The following PPP2R5D variants were observed in gnomAD, a reference collection of about 807,000 sequenced individuals.
The protein encoded by PPP2R5D is protein phosphatase 2 regulatory subunit B'delta.
PPP2R5D carries 12 observed loss-of-function variants against 79.1 expected under a neutral mutation model. That is an observed-to-expected ratio of 0.15 (90% CI 0.10 to 0.25). PPP2R5D has a LOEUF of 0.25. PPP2R5D is among the 10% of genes least tolerant of loss of function. The probability of loss-of-function intolerance (pLI) is 1.00; values close to 1 mark genes in which losing one functional copy is unlikely to be tolerated. For synonymous variants in PPP2R5D, 277 were observed against 286.6 expected (o/e 0.97, Z 0.34); for missense variants, 419 against 760.2 (o/e 0.55, Z 5.28).
intron 1 of PPP2R5D, among the ~76,000 whole-genome samples, chr6:42,985,668 A>G (rs2150246873): frequency 6.6e-6 from 1 of 151,864 alleles, no homozygotes; most frequent in Middle Eastern, 3.4e-3. Context: ...ACCATCTTCA[A>G]ATTGGGAATT....
In PPP2R5D at chr6:42,989,628, C is replaced by CATT; in HGVS notation, c.46_47insTTA (p.Ala15_Lys16insIle). 1.2e-6 allele frequency: 2 copies of CATT among 1,613,902 alleles called. No individual in the cohort carries two copies. Among genetic ancestry groups the CATT allele is most frequent in the Non-Finnish European group, 1.7e-6 (2 of 1,179,820 alleles). ...CCTTTCAGGAGCCCCCCAAGGTTGCCAAATGCACAGCCAAGCCTAGCAGCT... is the reference window on the plus strand; with the variant it reads ...CCTTTCAGGAGCCCCCCAAGGTTGCCATTAAATGCACAGCCAAGCCTAGCAGCT... On this transcript the variant is annotated inframe_insertion, in exon 2 of 16. Transcript: ENST00000485511.
At chr6:43,004,425 T>C (rs1294305783) in intron 2 of PPP2R5D, among the ~76,000 whole-genome samples, 1 of 152,228 alleles carries the variant, frequency 6.6e-6, no homozygotes, top group East Asian at 1.9e-4. Context: ...TGATAACACA[T>C]ACATTGTTCA....
At position 43,008,947 on chromosome 6, in the gene PPP2R5D, A is replaced by T. The variant is rs905404396; in HGVS notation, c.1081-110A>T. On this transcript the variant is annotated intron_variant, in intron 10 of 15. Coordinates refer to ENST00000485511, the MANE Select transcript of PPP2R5D (RefSeq NM_006245.4). This position sits in a 1 kb window ranked among gnomAD's most constrained non-coding sequence, Gnocchi z 4.2. ...GCAAAGAAACGGGTAGCTGGCTGAG[A>T]TCACCCAAACTGTGCCCACCAGGGT... 2 of 1,370,694 alleles carry T rather than the reference A, an allele frequency of 1.5e-6. No individual in the cohort carries two copies. Among genetic ancestry groups the T allele is most frequent in the African/African-American group, 1.4e-5 (1 of 69,074 alleles). 84.9% of individuals were successfully genotyped at this position (1,370,694 alleles called of 1,614,324 possible). A position where few individuals can be genotyped will look rare whatever the true frequency, so the allele number is the denominator to read the frequency against.
At chr6:42,999,357 G>T (rs1772015943) in intron 2 of PPP2R5D, among the ~76,000 whole-genome samples, 1 of 152,208 alleles carries the variant, frequency 6.6e-6, no homozygotes, top group African/African-American at 2.4e-5. Flanking sequence ...TTCGCTGGCA[G>T]AAACAGCTGT....
intron 2 of PPP2R5D, among the ~76,000 whole-genome samples, chr6:43,001,885 C>CAA (rs564567354): frequency 2.6e-4 from 21 of 80,676 alleles, no homozygotes; most frequent in East Asian, 2.0e-3. Context: ...GACTCTGTCT[C>CAA]AAAAAAAAAA....
chr6:43,011,010 T>G lies in PPP2R5D; in HGVS notation c.1671+13T>G. On this transcript the variant is annotated intron_variant, in intron 15 of 15. Transcript: ENST00000485511. ...TGAGGCTGTTCAGGTGGGAGGGCAATGTAGGGGGATGGAGCAGAAATAATA... is the reference window on the plus strand; with the variant it reads ...TGAGGCTGTTCAGGTGGGAGGGCAAGGTAGGGGGATGGAGCAGAAATAATA... 1 of 1,610,836 alleles carries G rather than the reference T, an allele frequency of 6.2e-7. No homozygotes were observed. The highest frequency in any genetic ancestry group is 2.2e-5 in the East Asian group (1 of 44,850).
In PPP2R5D at chr6:43,006,801, G is replaced by A. The variant is rs1762109180; in HGVS notation, c.323-110G>A. ...GTTCCAGAGAATGCGGGAAGGGGGT[G>A]CCAGGGAGCAGGATGGTGGCAGGGT... On this transcript the variant is annotated intron_variant, in intron 3 of 15. Coordinates refer to ENST00000485511, the MANE Select transcript of PPP2R5D (RefSeq NM_006245.4). The surrounding 1 kb of genome is among the most constrained non-coding windows in gnomAD (Gnocchi z 4.7). The A allele has an allele frequency of 1.3e-6, 2 of 1,572,988 alleles. No individual in the cohort carries two copies. The highest frequency in any genetic ancestry group is 2.7e-5 in the African/African-American group (2 of 74,212).
Position 43,007,814 on chromosome 6 carries a change from G to A in PPP2R5D, c.727-121G>A. 1 of 1,287,198 alleles carries A rather than the reference G, an allele frequency of 7.8e-7. No individual in the cohort carries two copies. Among genetic ancestry groups the A allele is most frequent in the Non-Finnish European group, 1.1e-6 (1 of 910,576 alleles). 79.7% of individuals were successfully genotyped at this position (1,287,198 alleles called of 1,614,324 possible). A position where few individuals can be genotyped will look rare whatever the true frequency, so the allele number is the denominator to read the frequency against. On this transcript the variant is annotated intron_variant, in intron 6 of 15. Transcript: ENST00000485511. The surrounding 1 kb of genome is among the most constrained non-coding windows in gnomAD (Gnocchi z 4.5). Reference sequence around the variant, plus strand: ...ATATAATAGAATCACTGCTTTCTAAGACTTGCTGGCCCCCACTCCAGGGGA... The same window carrying A: ...ATATAATAGAATCACTGCTTTCTAAAACTTGCTGGCCCCCACTCCAGGGGA...
chr6:42,985,966 G>A (rs1286267464), intron 1 of PPP2R5D, among the ~76,000 whole-genome samples: 2 of 151,956 alleles, frequency 1.3e-5, no homozygotes, highest in African/African-American at 2.4e-5. Context: ...TAGTAGAGAC[G>A]GGGTTTCTCC....
chr6:42,986,636 C>G (rs1157744341), intron 1 of PPP2R5D, among the ~76,000 whole-genome samples: 1 of 151,830 alleles, frequency 6.6e-6, no homozygotes, highest in African/African-American at 2.4e-5. Context: ...GTAGCTCAGT[C>G]GTAGACAATG....
At chr6:42,994,220 G>T (rs752020241) in intron 2 of PPP2R5D, among the ~76,000 whole-genome samples, 3 of 152,178 alleles carry the variant, frequency 2.0e-5, no homozygotes, top group Non-Finnish European at 4.4e-5. Context: ...AACCTGGGAG[G>T]TGGAGGTTGC....
rs945324833 is a variant in PPP2R5D at position 42,985,775 on chromosome 6, CT to C, written c.27+1090del. ...CATGATGTCCTGACACAGGCCATTT[CT>C]TTTTTTTTTTTTTTTTTTGAGATGG... is the stretch of plus-strand genomic sequence containing the variant. On this transcript the variant is annotated intron_variant, in intron 1 of 15. Coordinates refer to ENST00000485511, the MANE Select transcript of PPP2R5D (RefSeq NM_006245.4). Among the ~76,000 whole-genome samples the C allele has an allele frequency of 2.1e-3, 249 of 118,290 alleles. 1 individual carries two copies. The highest frequency in any genetic ancestry group is 5.0e-3 in the African/African-American group (155 of 30,792). The allele number at this position is 118,290 out of a possible 152,430, so 77.6% of individuals were successfully genotyped here. A position where few individuals can be genotyped will look rare whatever the true frequency, so the allele number is the denominator to read the frequency against.
At position 42,984,575 on chromosome 6, in the gene PPP2R5D, G is replaced by A. The variant is rs1422431853; in HGVS notation, c.-103G>A. On this transcript the variant is annotated 5_prime_UTR_variant, in exon 1 of 16. Coordinates refer to ENST00000485511, the MANE Select transcript of PPP2R5D (RefSeq NM_006245.4). Reference sequence around the variant, plus strand: ...AGGCACCGCTCGACCCGGGCGCAGCGCGCAGGCGGTGGCGAAGAGACGCCG... The same window carrying A: ...AGGCACCGCTCGACCCGGGCGCAGCACGCAGGCGGTGGCGAAGAGACGCCG... 1 of 1,457,884 alleles carries A rather than the reference G, an allele frequency of 6.9e-7. No homozygotes were observed. The highest frequency in any genetic ancestry group is 9.0e-7 in the Non-Finnish European group (1 of 1,107,918). The allele number at this position is 1,457,884 out of a possible 1,614,324, so 90.3% of individuals were successfully genotyped here.
chr6:42,998,040 T>TATATATATAC (rs1771873434), intron 2 of PPP2R5D, among the ~76,000 whole-genome samples: 2 of 29,294 alleles, frequency 6.8e-5, no homozygotes, highest in African/African-American at 1.8e-4. Context: ...TATATATATA[T>TATATATATAC]ATATATATAT....
chr6:43,009,714 A>T lies in PPP2R5D; in HGVS notation c.1379+265A>T, dbSNP rs934476899. ...TACAGGTCCTATCACAGCTTTGGAG[A>T]TGTAATTCTATGCAGTGAGAAGCTG... On this transcript the variant is annotated intron_variant, in intron 12 of 15. Coordinates refer to ENST00000485511, the MANE Select transcript of PPP2R5D (RefSeq NM_006245.4). The surrounding 1 kb of genome is among the most constrained non-coding windows in gnomAD (Gnocchi z 5.6). Among the ~76,000 whole-genome samples, 1 of 152,152 alleles carries T rather than the reference A, an allele frequency of 6.6e-6. No individual in the cohort carries two copies. The highest frequency in any genetic ancestry group is 1.5e-5 in the Non-Finnish European group (1 of 68,030).
intron 2 of PPP2R5D, among the ~76,000 whole-genome samples, chr6:43,000,754 TAG>T (rs1772125373): frequency 6.6e-6 from 1 of 152,226 alleles, no homozygotes; most frequent in African/African-American, 2.4e-5. Context: ...TAATGCTGTA[TAG>T]CCCCCTGTTC....
chr6:42,998,042 T>TATATATAC (rs1771878935), intron 2 of PPP2R5D, among the ~76,000 whole-genome samples: 6 of 27,496 alleles, frequency 2.2e-4, no homozygotes, highest in African/African-American at 5.3e-4. Flanking sequence ...TATATATATA[T>TATATATAC]ATATATATAT....
chr6:43,011,283 C>G lies in PPP2R5D; in HGVS notation c.1806C>G (p.Leu602=). ...TCCTAACTGCCAGCCAGGAGGCTCTCTGACCCCTCACGTTCCTACCACAGG... is the reference window on the plus strand; with the variant it reads ...TCCTAACTGCCAGCCAGGAGGCTCTGTGACCCCTCACGTTCCTACCACAGG... The part of the protein sequence containing the change: ...EEFLTASQEA[L] The change falls in exon 16 of 16, where the codon CTC becomes CTG. Residue 602 remains leucine, a synonymous_variant. Transcript: ENST00000485511. 6.2e-7 allele frequency: 1 copy of G among 1,613,896 alleles called. No homozygotes were observed.
In PPP2R5D at chr6:43,011,190, G is replaced by A; in HGVS notation, c.1713G>A (p.Arg571=). Residue 571 remains arginine, a synonymous_variant, in exon 16 of 16, where the codon AGG becomes AGA. Transcript: ENST00000485511. ...DIKKEKVLLR[R]KSELPQDVYT... ...AGAAGGAGAAAGTGCTGCTGCGGAG[G>A]AAGTCGGAGCTGCCCCAGGACGTGT... 2 of 1,614,128 alleles carry A rather than the reference G, an allele frequency of 1.2e-6. No individual in the cohort carries two copies. Among genetic ancestry groups the A allele is most frequent in the Non-Finnish European group, 1.7e-6 (2 of 1,180,004 alleles).
Sources: allele counts gnomAD v4.1 joint callset (sites outside exome capture counted in the v4.1 genomes callset), GRCh38; gene constraint gnomAD v4.1.1; non-coding constraint Gnocchi (gnomAD v3.1); transcripts MANE v1.5; gene names NCBI Gene and HGNC (gene_info 2026-07-23, HGNC 2026-07-21).